The following TENM4 variants were observed in gnomAD, a reference collection of about 807,000 sequenced individuals.
TENM4 encodes the protein teneurin transmembrane protein 4, also known as teneurin-4.
TENM4 carries 82 observed loss-of-function variants against 243.3 expected under a neutral mutation model. The ratio of observed to expected loss-of-function variants is 0.34; its 90% CI spans 0.28 to 0.40. The LOEUF is 0.40. Ranked by LOEUF, TENM4 falls within the 10% of genes least tolerant of loss-of-function variation. TENM4 has a pLI of 1.00. For synonymous variants in TENM4, 1,412 were observed against 1,456.3 expected (o/e 0.97, Z 0.69); for missense variants, 3,138 against 3,673.3 (o/e 0.85, Z 3.77).
At chr11:79,383,160 A>T (rs895958662) in intron 1 of TENM4, among the ~76,000 whole-genome samples, 2 of 152,186 alleles carry the variant, frequency 1.3e-5, no homozygotes, top group African/African-American at 2.4e-5. Flanking sequence ...GGCTTTGGCC[A>T]ACAGAAAGCA....
chr11:79,355,109 C>T (rs1857474921), intron 1 of TENM4, among the ~76,000 whole-genome samples: 1 of 152,190 alleles, frequency 6.6e-6, no homozygotes, highest in African/African-American at 2.4e-5. Flanking sequence ...TCACTTGAAC[C>T]AACTAGAGCT....
intron 6 of TENM4, among the ~76,000 whole-genome samples, chr11:78,965,040 G>T (rs576165957): frequency 6.6e-6 from 1 of 152,098 alleles, no homozygotes; most frequent in African/African-American, 2.4e-5. Context: ...GCTAATTTTT[G>T]TATTTTTAGT....
At chr11:79,159,366 C>T (rs1331268393) in intron 3 of TENM4, among the ~76,000 whole-genome samples, 2 of 152,128 alleles carry the variant, frequency 1.3e-5, no homozygotes, top group Non-Finnish European at 2.9e-5. Flanking sequence ...TAGGTAGCAT[C>T]ACCCTTATTT....
chr11:78,880,488 A>AAAAAAAAAAG (rs1368857006), intron 9 of TENM4, among the ~76,000 whole-genome samples: 24 of 113,018 alleles, frequency 2.1e-4, no homozygotes, highest in African/African-American at 6.6e-4. Flanking sequence ...AAAAAAAAAA[A>AAAAAAAAAAG]AGAAAGAAAA....
At chr11:79,261,627 A>G (rs1413003767) in intron 2 of TENM4, among the ~76,000 whole-genome samples, 1 of 152,036 alleles carries the variant, frequency 6.6e-6, no homozygotes, top group Non-Finnish European at 1.5e-5. Flanking sequence ...CTGGGCTGGG[A>G]ATATACAGAG....
intron 6 of TENM4, among the ~76,000 whole-genome samples, chr11:79,006,690 T>A (rs866038035): frequency 3.3e-5 from 5 of 152,320 alleles, no homozygotes; most frequent in Middle Eastern, 6.8e-3. Flanking sequence ...AAGGCCTACA[T>A]TAGAAACTTT....
chr11:78,706,161 G>T (rs912544990), intron 27 of TENM4, among the ~76,000 whole-genome samples: 7 of 152,130 alleles, frequency 4.6e-5, no homozygotes, highest in African/African-American at 1.7e-4. Flanking sequence ...TAAGAAAAGA[G>T]AAGTTGTACT....
intron 7 of TENM4, among the ~76,000 whole-genome samples, chr11:78,891,894 G>T (rs1207369688): frequency 6.6e-6 from 1 of 152,126 alleles, no homozygotes; most frequent in Non-Finnish European, 1.5e-5. Context: ...TTTGGCCACT[G>T]TCTTCTAAAG....
chr11:79,337,033 A>G (rs1264774321), intron 1 of TENM4, among the ~76,000 whole-genome samples: 1 of 152,244 alleles, frequency 6.6e-6, no homozygotes. Context: ...GGGGACAAGG[A>G]GGTTACCAAG....
intron 33 of TENM4, among the ~76,000 whole-genome samples, chr11:78,660,540 G>A (rs1858003716): frequency 6.6e-6 from 1 of 152,100 alleles, no homozygotes; most frequent in Admixed American, 6.5e-5. Flanking sequence ...GCTATGCTGA[G>A]GCCTAAAGGA....
chr11:79,394,480 A>T (rs1858300729), intron 1 of TENM4, among the ~76,000 whole-genome samples: 1 of 152,238 alleles, frequency 6.6e-6, no homozygotes, highest in Non-Finnish European at 1.5e-5. Context: ...AGGGCTGATT[A>T]TGCCAGCTAC....
chr11:78,906,674 C>T (rs994336733), intron 6 of TENM4, among the ~76,000 whole-genome samples: 3 of 152,184 alleles, frequency 2.0e-5, no homozygotes, highest in Non-Finnish European at 2.9e-5. Context: ...ACTGCCTCCC[C>T]GTCCAGAAAG....
chr11:78,735,351 T>G (rs1855762832), intron 20 of TENM4, among the ~76,000 whole-genome samples: 1 of 152,192 alleles, frequency 6.6e-6, no homozygotes. Flanking sequence ...CAAAGAACAA[T>G]TTTTCTGTCA....
intron 2 of TENM4, among the ~76,000 whole-genome samples, chr11:79,243,777 G>A (rs749947567): frequency 3.3e-5 from 5 of 152,198 alleles, no homozygotes; most frequent in Non-Finnish European, 5.9e-5. Flanking sequence ...TAACCAAGAC[G>A]CTGAGGCTCA....
At chr11:78,894,509 G>A (rs981557384) in intron 7 of TENM4, among the ~76,000 whole-genome samples, 1 of 152,214 alleles carries the variant, frequency 6.6e-6, no homozygotes, top group Non-Finnish European at 1.5e-5. Flanking sequence ...TAAAAAAAGA[G>A]AGACTGGACA....
In TENM4 at chr11:79,373,346, A is replaced by C. The variant is rs1025407292; in HGVS notation, c.-321+67163T>G. ...GCTGGCTGGCTGGATGGATGGATGG[A>C]TGGATGGATCGATAAATGAATGAAG... On this transcript the variant is annotated intron_variant, in intron 1 of 33. Transcript: ENST00000278550. Among the ~76,000 whole-genome samples the C allele has an allele frequency of 1.9e-3, 290 of 150,274 alleles. 1 individual carries two copies. Among genetic ancestry groups the C allele is most frequent in the African/African-American group, 6.5e-3 (264 of 40,708 alleles).
intron 2 of TENM4, among the ~76,000 whole-genome samples, chr11:79,223,570 A>C (rs1864204657): frequency 6.6e-6 from 1 of 152,102 alleles, no homozygotes; most frequent in Non-Finnish European, 1.5e-5. Flanking sequence ...CTGGGGGAGA[A>C]GAAATCCAAA....
At chr11:78,799,323 T>A (rs935569646) in intron 15 of TENM4, among the ~76,000 whole-genome samples, 6 of 152,290 alleles carry the variant, frequency 3.9e-5, no homozygotes, top group African/African-American at 1.4e-4. Flanking sequence ...GTAGAGAGAT[T>A]CAGAAACTGC....
chr11:78,810,014 C>T (rs79971065), intron 14 of TENM4, among the ~76,000 whole-genome samples: 5,753 of 151,960 alleles, frequency 0.038, 332 homozygotes, highest in African/African-American at 0.13. Context: ...TGGCTGCGTT[C>T]AAGCTTTAAA....
Sources: gnomAD v4.1 joint callset for allele counts (sites outside exome capture counted in the v4.1 genomes callset) on GRCh38, gnomAD v4.1.1 for gene constraint, MANE v1.5 for transcripts, NCBI Gene and HGNC (gene_info 2026-07-23, HGNC 2026-07-21) for gene names.